Variants in AGBL4 observed in about 807,000 individuals in gnomAD.
AGBL4 encodes the protein cytosolic carboxypeptidase 6.
A neutral mutation model predicts 66.4 loss-of-function variants in AGBL4; 58 were observed. That is an observed-to-expected ratio of 0.87 (90% CI 0.71 to 1.09). The LOEUF is 1.09. Among genes scored for constraint, AGBL4 ranks in the 50% least tolerant of loss-of-function variants. The pLI, the probability that AGBL4 is intolerant of heterozygous loss-of-function variation, is 0.00. For missense variants in AGBL4, 579 were observed against 631.0 expected (o/e 0.92, Z 0.88); for synonymous variants, 234 against 222.9 (o/e 1.05, Z -0.44).
intron 6 of AGBL4, among the ~76,000 whole-genome samples, chr1:48,733,474 G>C (rs753468723): frequency 1.2e-4 from 19 of 152,268 alleles, no homozygotes; most frequent in Middle Eastern, 6.8e-3. Context: ...CTCTTTGATT[G>C]ATGCGAACTA....
intron 3 of AGBL4, among the ~76,000 whole-genome samples, chr1:49,659,258 G>A (rs1646219804): frequency 6.6e-6 from 1 of 152,038 alleles, no homozygotes; most frequent in African/African-American, 2.4e-5. Context: ...ACATAAACAA[G>A]TCTACAAGAT....
At chr1:49,800,230 A>G (rs554952078) in intron 2 of AGBL4, among the ~76,000 whole-genome samples, 1 of 152,322 alleles carries the variant, frequency 6.6e-6, no homozygotes, top group South Asian at 2.1e-4. Context: ...AAGTGGTAAT[A>G]TGTATGTGAT....
At position 48,790,352 on chromosome 1, in the gene AGBL4, A is replaced by G. The variant is rs1347282017; in HGVS notation, c.634+76839T>C. 1.0e-4 allele frequency among the ~76,000 whole-genome samples: 14 copies of G among 136,524 alleles called. No homozygotes were observed. In the Admixed American group the frequency reaches 1.1e-3, roughly 11 times the overall value. 89.6% of individuals were successfully genotyped at this position (136,524 alleles called of 152,430 possible). ...AAGACAGACACAAATGAAGAAAGGC[A>G]GAGTTTTGCATGCAAAAAGGGGGAA... On this transcript the variant is annotated intron_variant, in intron 6 of 13. Coordinates refer to ENST00000371839, the MANE Select transcript of AGBL4 (RefSeq NM_032785.4).
chr1:49,253,676 C>T (rs1026379912), intron 3 of AGBL4, among the ~76,000 whole-genome samples: 15 of 151,586 alleles, frequency 9.9e-5, no homozygotes, highest in African/African-American at 3.4e-4. Flanking sequence ...TTCTATGAGG[C>T]TGGCATCATC....
intron 4 of AGBL4, among the ~76,000 whole-genome samples, chr1:49,154,317 A>C (rs1014356531): frequency 3.9e-5 from 6 of 152,192 alleles, no homozygotes; most frequent in African/African-American, 1.4e-4. Flanking sequence ...AGTCATTAAG[A>C]GGAAAGATGT....
At chr1:49,535,769 G>A (rs1651526344) in intron 3 of AGBL4, among the ~76,000 whole-genome samples, 2 of 152,114 alleles carry the variant, frequency 1.3e-5, no homozygotes, top group South Asian at 4.1e-4. Context: ...TCGGCTCACT[G>A]CAAGCTCGGC....
At chr1:49,803,079 C>T (rs1475070937) in intron 2 of AGBL4, among the ~76,000 whole-genome samples, 2 of 150,200 alleles carry the variant, frequency 1.3e-5, no homozygotes, top group Non-Finnish European at 3.0e-5. Flanking sequence ...TTATATATAG[C>T]TTATGAAGTT....
intron 3 of AGBL4, among the ~76,000 whole-genome samples, chr1:49,497,482 C>G (rs1447542055): frequency 6.6e-6 from 1 of 151,870 alleles, no homozygotes; most frequent in Non-Finnish European, 1.5e-5. Context: ...TGAAGCTTTT[C>G]CCCTATATTT....
intron 4 of AGBL4, among the ~76,000 whole-genome samples, chr1:49,211,176 T>C (rs1413165558): frequency 2.0e-5 from 3 of 152,140 alleles, no homozygotes; most frequent in Non-Finnish European, 2.9e-5. Flanking sequence ...GCTGTTCCAT[T>C]GCTGTCATAG....
chr1:49,848,192 G>A (rs1309844511), intron 2 of AGBL4, among the ~76,000 whole-genome samples: 1 of 151,942 alleles, frequency 6.6e-6, no homozygotes, highest in Non-Finnish European at 1.5e-5. Flanking sequence ...CAACCTCTAT[G>A]GAAAACAGTA....
intron 5 of AGBL4, among the ~76,000 whole-genome samples, chr1:48,957,375 T>C (rs958960767): frequency 6.6e-6 from 1 of 152,202 alleles, no homozygotes; most frequent in Admixed American, 6.5e-5. Flanking sequence ...CAAATGTATC[T>C]ATGATCATAA....
chr1:49,177,816 C>T (rs1646859879), intron 4 of AGBL4, among the ~76,000 whole-genome samples: 1 of 151,954 alleles, frequency 6.6e-6, no homozygotes, highest in Admixed American at 6.6e-5. Flanking sequence ...ATGATATTTG[C>T]CAGGGAAATT....
At chr1:49,385,359 A>C (rs1490231226) in intron 3 of AGBL4, among the ~76,000 whole-genome samples, 3 of 151,900 alleles carry the variant, frequency 2.0e-5, no homozygotes, top group Admixed American at 6.6e-5. Flanking sequence ...AAAAGACTAC[A>C]TTCTTGTGTT....
intron 11 of AGBL4, among the ~76,000 whole-genome samples, chr1:48,549,776 G>C (rs1644221779): frequency 6.6e-6 from 1 of 151,920 alleles, no homozygotes; most frequent in African/African-American, 2.4e-5. Context: ...AACTGAAAGA[G>C]GTGTGAGAGA....
At chr1:49,128,907 A>G (rs1645823216) in intron 4 of AGBL4, among the ~76,000 whole-genome samples, 1 of 152,046 alleles carries the variant, frequency 6.6e-6, no homozygotes, top group African/African-American at 2.4e-5. Context: ...TTTTTGAAAA[A>G]AATTCAGAAA....
At chr1:49,990,722 C>T (rs1054994023) in intron 1 of AGBL4, among the ~76,000 whole-genome samples, 2 of 152,068 alleles carry the variant, frequency 1.3e-5, no homozygotes, top group African/African-American at 4.8e-5. Flanking sequence ...GTAATCTTGG[C>T]CAAGCTATTT....
At chr1:49,916,789 C>A (rs1039093729) in intron 1 of AGBL4, among the ~76,000 whole-genome samples, 1 of 152,098 alleles carries the variant, frequency 6.6e-6, no homozygotes, top group Non-Finnish European at 1.5e-5. Context: ...TTATCAGATT[C>A]ACCAAAGTTG....
At chr1:49,493,237 T>C (rs928967102) in intron 3 of AGBL4, among the ~76,000 whole-genome samples, 6 of 152,002 alleles carry the variant, frequency 3.9e-5, no homozygotes, top group African/African-American at 1.4e-4. Context: ...GCACTTTGTA[T>C]ATGTTAATGC....
Position 48,770,105 on chromosome 1 carries a change from T to C in AGBL4, c.634+97086A>G, listed in dbSNP as rs541854955. ...TTGTCTGCTCTCTCTGCTGTTATAT[T>C]GCTCCCACCAATGCCTGTGAATTCC... On this transcript the variant is annotated intron_variant, in intron 6 of 13. Transcript: ENST00000371839. Among the ~76,000 whole-genome samples, 5 of 152,306 alleles carry C rather than the reference T, an allele frequency of 3.3e-5. No individual in the cohort carries two copies. In the South Asian group the frequency reaches 8.3e-4, roughly 25 times the overall value.
Sources: allele counts gnomAD v4.1 joint callset (sites outside exome capture counted in the v4.1 genomes callset), GRCh38; gene constraint gnomAD v4.1.1; transcripts MANE v1.5; gene names NCBI Gene and HGNC (gene_info 2026-07-23, HGNC 2026-07-21).